Variants in ALOX12B observed in about 807,000 individuals in gnomAD.
The protein encoded by ALOX12B is arachidonate 12-lipoxygenase, 12R-type.
A neutral mutation model predicts 78.9 loss-of-function variants in ALOX12B; 47 were observed. That is an observed-to-expected ratio of 0.60 (90% CI 0.47 to 0.76). The LOEUF (loss-of-function observed/expected upper bound fraction) is 0.76, where lower values mean the gene tolerates loss of function less well. Ranked by LOEUF, ALOX12B falls within the 30% of genes least tolerant of loss-of-function variation. ALOX12B has a pLI of 0.00. For synonymous variants in ALOX12B, 370 were observed against 374.5 expected (o/e 0.99, Z 0.14); for missense variants, 805 against 922.6 (o/e 0.87, Z 1.65).
intron 12 of ALOX12B, among the ~76,000 whole-genome samples, chr17:8,074,316 G>A (rs1027376878): frequency 1.3e-5 from 2 of 152,048 alleles, no homozygotes; most frequent in African/African-American, 4.8e-5. Flanking sequence ...GTGATCTCAG[G>A]TTCCAAAAGT....
chr17:8,080,230 C>T lies in ALOX12B; in HGVS notation c.754+5G>A, dbSNP rs536825384. ...CTGCTCGATCCGGGACGCCCCATTCCATACCGGAGACGACAGATTTCTTGC... is the reference window on the plus strand; with the variant it reads ...CTGCTCGATCCGGGACGCCCCATTCTATACCGGAGACGACAGATTTCTTGC... On this transcript the variant is annotated splice_donor_5th_base_variant and intron_variant, in intron 6 of 14. Coordinates refer to ENST00000647874, the MANE Select transcript of ALOX12B (RefSeq NM_001139.3). The surrounding 1 kb of genome is among the most constrained non-coding windows in gnomAD (Gnocchi z 4.8). The T allele has an allele frequency of 2.5e-6, 4 of 1,613,920 alleles. No individual in the cohort carries two copies. The South Asian group carries it at 3.3e-5, about 13-fold the overall frequency.
chr17:8,076,857 G>T, intron 9 of ALOX12B, 114 bp from the exon 10 acceptor site: 1 of 1,442,124 alleles, frequency 6.9e-7, no homozygotes, highest in Non-Finnish European at 9.5e-7. Flanking sequence ...CCTATGCCAA[G>T]CCCTCTCTTG....
At chr17:8,082,988 G>C (rs563340163) in intron 2 of ALOX12B, among the ~76,000 whole-genome samples, 28 of 152,234 alleles carry the variant, frequency 1.8e-4, no homozygotes, top group Admixed American at 9.2e-4. Flanking sequence ...AAGTTTGTCT[G>C]TTTGTTCCAC....
In ALOX12B at chr17:8,080,855, C is replaced by G. The variant is rs757982374; in HGVS notation, c.527+29G>C. 3.1e-6 allele frequency: 5 copies of G among 1,613,798 alleles called. No homozygotes were observed. The Admixed American group carries it at 8.3e-5, about 27-fold the overall frequency. ...CAGGCGCCCAGGGGAAAACCATGGG[C>G]GGGGCCCAGCACAGCTTCGGGTCCT... On this transcript the variant is annotated intron_variant, in intron 4 of 14. Transcript: ENST00000647874. The surrounding 1 kb of genome is among the most constrained non-coding windows in gnomAD (Gnocchi z 4.8).
At chr17:8,084,605 C>G (rs1218147930) in intron 2 of ALOX12B, among the ~76,000 whole-genome samples, 2 of 152,222 alleles carry the variant, frequency 1.3e-5, no homozygotes, top group African/African-American at 2.4e-5. Flanking sequence ...TGAGACCCTC[C>G]CCTTGGCATG....
chr17:8,086,365 G>T (rs1316581547), intron 1 of ALOX12B, 145 bp from the exon 2 acceptor site: 7 of 853,660 alleles, frequency 8.2e-6, no homozygotes, highest in Non-Finnish European at 1.3e-5. Context: ...ATATTGACCT[G>T]ATCATTGAGC....
At position 8,075,683 on chromosome 17, in the gene ALOX12B, C is replaced by T. The variant is rs936466427; in HGVS notation, c.1566G>A (p.Pro522=). The change falls in exon 12 of 15, where the codon CCG becomes CCA. Residue 522 remains proline (P), a synonymous_variant. Transcript: ENST00000647874. ...YVTEIITYYY[P]SDAAVEGDPE... ...GATCACCCTCCACGGCTGCGTCACT[C>T]GGGTAATAATAGGTGATGATCTCCG... is the stretch of plus-strand genomic sequence containing the variant. 41 of 1,614,036 alleles carry T rather than the reference C, an allele frequency of 2.5e-5. No individual in the cohort carries two copies. Among genetic ancestry groups the T allele is most frequent in the Non-Finnish European group, 3.4e-5 (40 of 1,180,040 alleles).
Position 8,079,677 on chromosome 17 carries a change from G to A in ALOX12B, c.927+92C>T, listed in dbSNP as rs1977164687. The stretch of plus-strand genomic sequence containing the variant: ...GGACGCGGGGTGCGGGCTTGCCTGG[G>A]ACTGGCGCGGGCGCCGGAGGTGGGG... On this transcript the variant is annotated intron_variant, in intron 7 of 14. Coordinates refer to ENST00000647874, the MANE Select transcript of ALOX12B (RefSeq NM_001139.3). This position sits in a 1 kb window ranked among gnomAD's most constrained non-coding sequence, Gnocchi z 6.4. The A allele has an allele frequency of 1.9e-6, 3 of 1,544,210 alleles. No homozygotes were observed. The highest frequency in any genetic ancestry group is 2.7e-5 in the African/African-American group (2 of 72,976).
intron 2 of ALOX12B, among the ~76,000 whole-genome samples, chr17:8,085,689 C>T (rs560215597): frequency 5.4e-4 from 82 of 152,302 alleles, no homozygotes; most frequent in African/African-American, 1.7e-3. Flanking sequence ...GTATTTTTAA[C>T]GTGGCCGGGC....
In ALOX12B at chr17:8,079,616, C is replaced by A; in HGVS notation, c.928-77G>T. The A allele has an allele frequency of 6.5e-7, 1 of 1,538,316 alleles. No individual in the cohort carries two copies. The highest frequency in any genetic ancestry group is 8.8e-7 in the Non-Finnish European group (1 of 1,139,310). ...TGACCCGCGCCGCAGGTGCACAGGG[C>A]GCTGGCGACTAGGGGCAGGGGTGGG... On this transcript the variant is annotated intron_variant, in intron 7 of 14. Coordinates refer to ENST00000647874, the MANE Select transcript of ALOX12B (RefSeq NM_001139.3). The surrounding 1 kb of genome is among the most constrained non-coding windows in gnomAD (Gnocchi z 6.4).
intron 2 of ALOX12B, 22 bp downstream of exon 2, chr17:8,085,994 G>C (rs756610446): frequency 6.2e-6 from 10 of 1,613,034 alleles, no homozygotes; most frequent in Admixed American, 1.7e-5. Context: ...CCATAGGATG[G>C]AGCAGGGTGA....
In ALOX12B at chr17:8,087,302, A is replaced by T. The variant is rs763581339; in HGVS notation, c.141T>A (p.Thr47=). 1.2e-6 allele frequency: 2 copies of T among 1,611,496 alleles called. No homozygotes were observed. The highest frequency in any genetic ancestry group is 1.7e-6 in the Non-Finnish European group (2 of 1,179,216). The part of the protein sequence containing the change: ...LLNHFGRDFA[T]GAVGQYTVQC... ...CACACACACACACTCTTACCGCCCCAGTTGCAAAGTCTCTCCCAAAGTGGT... is the reference window on the plus strand; with the variant it reads ...CACACACACACACTCTTACCGCCCCTGTTGCAAAGTCTCTCCCAAAGTGGT... Residue 47 remains threonine (T), a synonymous_variant, in exon 1 of 15, where the codon ACT becomes ACA. Transcript: ENST00000647874.
Position 8,079,483 on chromosome 17 carries a change from C to T in ALOX12B, c.984G>A (p.Glu328=), listed in dbSNP as rs1410798761. 4.5e-6 allele frequency: 7 copies of T among 1,551,024 alleles called. No individual in the cohort carries two copies. The highest frequency in any genetic ancestry group is 1.2e-5 in the South Asian group (1 of 84,076). ...YRIMEGIPTV[E]LSGRKQHHCA... is the part of the protein sequence containing the mutation. Reference sequence around the variant, plus strand: ...AGTGGTGCTGCTTCCGGCCGCTGAGCTCCACGGTGGGGATGCCCTCCATGA... The same window carrying T: ...AGTGGTGCTGCTTCCGGCCGCTGAGTTCCACGGTGGGGATGCCCTCCATGA... Residue 328 remains glutamate, a synonymous_variant, in exon 8 of 15, where the codon GAG becomes GAA. Transcript: ENST00000647874. This position sits in a 1 kb window ranked among gnomAD's most constrained non-coding sequence, Gnocchi z 6.4.
intron 1 of ALOX12B, among the ~76,000 whole-genome samples, chr17:8,086,560 G>C (rs561203586): frequency 6.6e-6 from 1 of 152,164 alleles, no homozygotes; most frequent in Non-Finnish European, 1.5e-5. Context: ...TACAGTTTTC[G>C]AGTGGGGAGA....
chr17:8,076,637 G>A lies in ALOX12B; in HGVS notation c.1362+20C>T. On this transcript the variant is annotated intron_variant, in intron 10 of 14. Coordinates refer to ENST00000647874, the MANE Select transcript of ALOX12B (RefSeq NM_001139.3). The stretch of plus-strand genomic sequence containing the variant: ...AGAGGAAAACAAATGTCTCGTTGGG[G>A]TTGGGGGCAGAAGTCTTACCTTGGC... 6.5e-7 allele frequency: 1 copy of A among 1,547,712 alleles called. No homozygotes were observed. Among genetic ancestry groups the A allele is most frequent in the Non-Finnish European group, 8.7e-7 (1 of 1,143,486 alleles).
rs1306163936 is a variant in ALOX12B at position 8,085,869 on chromosome 17, T to C, written c.352+147A>G. The C allele has an allele frequency of 6.5e-6, 6 of 928,676 alleles. No individual in the cohort carries two copies. The African/African-American group carries it at 8.1e-5, about 13-fold the overall frequency. The allele number at this position is 928,676 out of a possible 1,614,324, so 57.5% of individuals were successfully genotyped here. ...GGGCAGCAGCACTGACTGAGGGAAA[T>C]GTGTGACAGTGGCAGGAGAGCCCAG... On this transcript the variant is annotated intron_variant, in intron 2 of 14. Coordinates refer to ENST00000647874, the MANE Select transcript of ALOX12B (RefSeq NM_001139.3).
rs1978297045 is a variant in ALOX12B at position 8,086,107 on chromosome 17, C to A, written c.261G>T (p.Val87=). The change falls in exon 2 of 15, where the codon GTG becomes GTT. Residue 87 remains valine (V), a synonymous_variant. Coordinates refer to ENST00000647874, the MANE Select transcript of ALOX12B (RefSeq NM_001139.3). Reference sequence around the variant, plus strand: ...TACGGCCGTTGGGGGCACAGATCTGCACATAGTTGCAGTACCAAGGGTCCT... The same window carrying A: ...TACGGCCGTTGGGGGCACAGATCTGAACATAGTTGCAGTACCAAGGGTCCT... ...FPKDPWYCNY[V]QICAPNGRIY... 6.2e-7 allele frequency: 1 copy of A among 1,614,176 alleles called. No homozygotes were observed. Among genetic ancestry groups the A allele is most frequent in the East Asian group, 2.2e-5 (1 of 44,886 alleles).
At position 8,077,083 on chromosome 17, in the gene ALOX12B, CTCGTGGCTGTAGAACTCCG is replaced by C. The variant is rs771446138; in HGVS notation, c.1163_1181del (p.Ala388GlyfsTer21). On this transcript the variant is annotated frameshift_variant, in exon 9 of 15. Coordinates refer to ENST00000647874, the MANE Select transcript of ALOX12B (RefSeq NM_001139.3). LOFTEE classifies it high-confidence loss of function. ...GTGTCTCCAGCAGGTGGGCGATGGCCTCGTGGCTGTAGAACTCCGCATAGCGTACCCACGTCTTGGCTAG... is the reference window on the plus strand; with the variant it reads ...GTGTCTCCAGCAGGTGGGCGATGGCCCATAGCGTACCCACGTCTTGGCTAG... 1 of 1,614,046 alleles carries C rather than the reference CTCGTGGCTGTAGAACTCCG, an allele frequency of 6.2e-7. No individual in the cohort carries two copies. The highest frequency in any genetic ancestry group is 1.1e-5 in the South Asian group (1 of 91,072).
chr17:8,079,412 A>G lies in ALOX12B; in HGVS notation c.1055T>C (p.Met352Thr). The change falls in exon 8 of 15, where the codon ATG (methionine) becomes ACG (threonine). Residue 352 changes from methionine (M) to threonine (T), a missense_variant. Physicochemically the swap from Met to Thr is moderately conservative, Grantham distance 81. Coordinates refer to ENST00000647874, the MANE Select transcript of ALOX12B (RefSeq NM_001139.3). This position sits in a 1 kb window ranked among gnomAD's most constrained non-coding sequence, Gnocchi z 6.4. ...CCCAGGCACCTGGATGGCGATGGGC[A>G]TCATCTTGCCCTCGGGTCCAAAGTG... ...LLHFGPEGKM[M>T]PIAIQLSQTP... is the part of the protein sequence containing the mutation. 6.4e-7 allele frequency: 1 copy of G among 1,552,594 alleles called. No homozygotes were observed. The highest frequency in any genetic ancestry group is 8.7e-7 in the Non-Finnish European group (1 of 1,147,920).
Sources: allele counts gnomAD v4.1 joint callset (sites outside exome capture counted in the v4.1 genomes callset), GRCh38; gene constraint gnomAD v4.1.1; non-coding constraint Gnocchi (gnomAD v3.1); transcripts MANE v1.5; gene names NCBI Gene and HGNC (gene_info 2026-07-23, HGNC 2026-07-21).